The following DLG2 variants were observed in gnomAD, a reference collection of about 807,000 sequenced individuals.
DLG2 encodes discs large MAGUK scaffold protein 2.
A neutral mutation model predicts 132.5 loss-of-function variants in DLG2; 45 were observed. That is an observed-to-expected ratio of 0.34 (90% confidence interval 0.27 to 0.44). The LOEUF (loss-of-function observed/expected upper bound fraction) is 0.44, where lower values mean the gene tolerates loss of function less well. Ranked by LOEUF, DLG2 falls within the 20% of genes least tolerant of loss-of-function variation. The pLI is 1.00. For missense variants in DLG2, 1,045 were observed against 1,196.9 expected, an observed-to-expected ratio of 0.87 and a Z score of 1.87; for synonymous variants, 424 against 419.6, an observed-to-expected ratio of 1.01 and a Z score of -0.13.
chr11:83,483,390 C>A (rs2093282157), intron 22 of DLG2: 2 of 938,856 alleles, frequency 2.1e-6, no homozygotes, highest in Non-Finnish European at 3.5e-6. Context: ...TGAATACTAC[C>A]ATGACAGACC....
intron 21 of DLG2, among the ~76,000 whole-genome samples, chr11:83,529,830 C>T (rs2095693557): frequency 6.6e-6 from 1 of 152,126 alleles, no homozygotes; most frequent in Admixed American, 6.6e-5. Flanking sequence ...TTACTCCTTT[C>T]TTTCAATAGC....
At chr11:85,210,928 C>G (rs1393931662) in intron 4 of DLG2, among the ~76,000 whole-genome samples, 2 of 152,062 alleles carry the variant, frequency 1.3e-5, no homozygotes, top group African/African-American at 4.8e-5. Context: ...TATTCCCTCC[C>G]CTTCATCTTT....
At chr11:84,500,863 A>T (rs1236576429) in intron 7 of DLG2, among the ~76,000 whole-genome samples, 2 of 152,204 alleles carry the variant, frequency 1.3e-5, no homozygotes, top group Non-Finnish European at 2.9e-5. Flanking sequence ...ACTCACCCTA[A>T]AACAGTTCAA....
intron 6 of DLG2, among the ~76,000 whole-genome samples, chr11:84,711,020 A>C (rs1173897467): frequency 4.4e-5 from 4 of 91,626 alleles, no homozygotes; most frequent in African/African-American, 1.7e-4. Flanking sequence ...ATATATATAT[A>C]TATATATATA....
chr11:85,615,675 C>G (rs1302514360), intron 2 of DLG2, among the ~76,000 whole-genome samples: 1 of 152,150 alleles, frequency 6.6e-6, no homozygotes, highest in Non-Finnish European at 1.5e-5. Flanking sequence ...AGACTGCAAT[C>G]ATTTTGTATA....
chr11:85,390,201 G>A (rs557434567), intron 3 of DLG2, among the ~76,000 whole-genome samples: 1 of 152,062 alleles, frequency 6.6e-6, no homozygotes, highest in East Asian at 1.9e-4. Context: ...AGCAGAAGTA[G>A]CTATTCTTAC....
intron 3 of DLG2, among the ~76,000 whole-genome samples, chr11:85,487,712 G>C (rs2093461752): frequency 6.6e-6 from 1 of 152,142 alleles, no homozygotes; most frequent in South Asian, 2.1e-4. Flanking sequence ...ATTATTGGTA[G>C]TTCCAAGGGT....
chr11:85,621,957 T>C (rs1270348186), intron 2 of DLG2, among the ~76,000 whole-genome samples: 1 of 152,200 alleles, frequency 6.6e-6, no homozygotes, highest in Non-Finnish European at 1.5e-5. Flanking sequence ...AAATCTCTCA[T>C]AAAATAAAGA....
intron 6 of DLG2, among the ~76,000 whole-genome samples, chr11:85,086,268 T>C (rs1257526166): frequency 6.6e-6 from 1 of 152,164 alleles, no homozygotes; most frequent in Admixed American, 6.5e-5. Context: ...CAAAGTTACT[T>C]ATCCAATTTC....
chr11:83,695,536 A>G (rs1403645555), intron 18 of DLG2, among the ~76,000 whole-genome samples: 1 of 152,082 alleles, frequency 6.6e-6, no homozygotes, highest in Non-Finnish European at 1.5e-5. Context: ...TGACGTCAGG[A>G]GCTCGAGACC....
At chr11:85,420,928 T>C (rs1348376706) in intron 3 of DLG2, among the ~76,000 whole-genome samples, 1 of 152,188 alleles carries the variant, frequency 6.6e-6, no homozygotes, top group African/African-American at 2.4e-5. Context: ...TTCAGCCCCA[T>C]TTCCAGAAGA....
At chr11:83,767,999 G>A (rs903017716) in intron 18 of DLG2, among the ~76,000 whole-genome samples, 5 of 152,176 alleles carry the variant, frequency 3.3e-5, no homozygotes, top group South Asian at 4.2e-4. Flanking sequence ...TTCATAAGAC[G>A]TAAGTTTGAT....
rs2090314016 is a variant in DLG2, at chr11:85,421,571, C to T, written c.41-136206G>A. On this transcript the variant is annotated intron_variant, in intron 3 of 27. Coordinates refer to ENST00000376104, the MANE Select transcript of DLG2 (RefSeq NM_001142699.3). Reference sequence around the variant, plus strand: ...GCAAGTCCTTATGTGTTAGGTGGGTCTCTTGAAGGCAGCATATAGTTGGTT... The same window carrying T: ...GCAAGTCCTTATGTGTTAGGTGGGTTTCTTGAAGGCAGCATATAGTTGGTT... Among the ~76,000 whole-genome samples, 3 of 151,864 alleles carry T rather than the reference C, an allele frequency of 2.0e-5. No individual in the cohort carries two copies. The South Asian group carries it at 6.2e-4, about 32-fold the overall frequency.
At chr11:83,719,669 G>T (rs1156551734) in intron 18 of DLG2, among the ~76,000 whole-genome samples, 1 of 152,190 alleles carries the variant, frequency 6.6e-6, no homozygotes, top group Non-Finnish European at 1.5e-5. Flanking sequence ...ATCTATTCAT[G>T]AGGGATCTGC....
chr11:83,659,346 A>C (rs1039699255), intron 18 of DLG2, among the ~76,000 whole-genome samples: 1 of 152,158 alleles, frequency 6.6e-6, no homozygotes, highest in African/African-American at 2.4e-5. Context: ...TTCTTGGACC[A>C]CACCCAGACC....
chr11:84,085,748 C>A (rs974219742), intron 10 of DLG2, among the ~76,000 whole-genome samples: 1 of 152,132 alleles, frequency 6.6e-6, no homozygotes, highest in Non-Finnish European at 1.5e-5. Context: ...AGTGGCGATG[C>A]TTAAATCAGA....
chr11:85,503,706 AGG>A (rs2093858642), intron 3 of DLG2, among the ~76,000 whole-genome samples: 1 of 152,054 alleles, frequency 6.6e-6, no homozygotes, highest in Admixed American at 6.6e-5. Context: ...CTAAGGTGGG[AGG>A]ACAGATTGAG....
intron 12 of DLG2, among the ~76,000 whole-genome samples, chr11:83,977,995 C>T (rs2154172019): frequency 6.6e-6 from 1 of 152,130 alleles, no homozygotes; most frequent in Admixed American, 6.6e-5. Context: ...GGCTTTTTCA[C>T]AAAACCAGGC....
rs67195725 is a variant in DLG2 at position 83,742,210 on chromosome 11, AACACAC to A, written c.1825+44474_1825+44479del. On this transcript the variant is annotated intron_variant, in intron 18 of 27. Transcript: ENST00000376104. ...AGAGAGTAAATTTTACCACACTTTTAACACACACACACACACACACACACACACACA... is the reference window on the plus strand; with the variant it reads ...AGAGAGTAAATTTTACCACACTTTTAACACACACACACACACACACACACA... 4.6e-3 allele frequency among the ~76,000 whole-genome samples: 681 copies of A among 147,082 alleles called. 2 individuals are homozygous for A. Among genetic ancestry groups the A allele is most frequent in the African/African-American group, 0.014 (565 of 39,980 alleles).
Sources: allele counts gnomAD v4.1 joint callset (sites outside exome capture counted in the v4.1 genomes callset), GRCh38; gene constraint gnomAD v4.1.1; transcripts MANE v1.5; gene names NCBI Gene and HGNC (gene_info 2026-07-23, HGNC 2026-07-21).